Variants in CAMTA2 observed in about 807,000 individuals in gnomAD.
The protein encoded by CAMTA2 is calmodulin binding transcription activator 2, also known as calmodulin-binding transcription activator 2.
A neutral mutation model predicts 135.7 loss-of-function variants in CAMTA2; 56 were observed. That is an observed-to-expected ratio of 0.41 (90% confidence interval 0.33 to 0.52). The LOEUF (loss-of-function observed/expected upper bound fraction) is 0.52, where lower values mean the gene tolerates loss of function less well. Ranked by LOEUF, CAMTA2 falls within the 20% of genes least tolerant of loss-of-function variation. The pLI, the probability that CAMTA2 is intolerant of heterozygous loss-of-function variation, is 0.16. For synonymous variants in CAMTA2, 591 were observed against 604.6 expected (o/e 0.98, Z 0.33); for missense variants, 1,358 against 1,553.4 (o/e 0.87, Z 2.11).
chr17:4,987,127 C>CA (rs1679401111), intron 1 of CAMTA2: 1 of 1,361,166 alleles, frequency 7.3e-7, no homozygotes, highest in Non-Finnish European at 9.4e-7. Flanking sequence ...GACTCCGCCC[C>CA]AGGGCGCAGG....
intron 12 of CAMTA2, 107 bp from the exon 13 acceptor site, chr17:4,973,876 C>T (rs1273290667): frequency 4.6e-6 from 4 of 872,904 alleles, no homozygotes; most frequent in Non-Finnish European, 6.9e-6. Context: ...TTTGCCCCCT[C>T]CCCACATGTC....
intron 1 of CAMTA2, 178 bp from the exon 2 acceptor site, chr17:4,986,464 C>A: frequency 1.7e-6 from 1 of 576,080 alleles, no homozygotes; most frequent in Non-Finnish European, 3.1e-6. Flanking sequence ...GTGCCCGGAG[C>A]CAATATGAGT....
chr17:4,987,379 G>A, intron 1 of CAMTA2: 1 of 1,361,284 alleles, frequency 7.3e-7, no homozygotes. Flanking sequence ...GGGTGCGGGG[G>A]TCTCCGGGAC....
chr17:4,982,724 C>T (rs779983195), intron 5 of CAMTA2, 33 bp downstream of exon 5: 46 of 1,612,262 alleles, frequency 2.9e-5, no homozygotes, highest in Admixed American at 5.0e-5. Flanking sequence ...AGGGCAGGCT[C>T]GGGAAGATGA....
At chr17:4,987,428 G>A (rs1973428647) in intron 1 of CAMTA2, 165 bp downstream of exon 1, 1 of 1,385,030 alleles carries the variant, frequency 7.2e-7, no homozygotes, top group South Asian at 1.6e-5. Context: ...GGGCCCTGCG[G>A]TGAGCGGCGC....
chr17:4,971,011 C>T (rs902162290), intron 16 of CAMTA2, among the ~76,000 whole-genome samples: 1 of 152,200 alleles, frequency 6.6e-6, no homozygotes, highest in Non-Finnish European at 1.5e-5. Flanking sequence ...TCCTGCTGGA[C>T]ACACTCAACA....
chr17:4,987,088 A>T (rs1022292520), intron 1 of CAMTA2: 1 of 1,383,848 alleles, frequency 7.2e-7, no homozygotes, highest in Non-Finnish European at 9.3e-7. Context: ...GGGCTCGGCT[A>T]TGTGCAGTGA....
In CAMTA2 at chr17:4,980,386, G is replaced by C; in HGVS notation, c.936C>G (p.Pro312=). The C allele has an allele frequency of 1.2e-6, 2 of 1,614,102 alleles. No individual in the cohort carries two copies. The highest frequency in any genetic ancestry group is 8.5e-7 in the Non-Finnish European group (1 of 1,179,988). The stretch of plus-strand genomic sequence containing the variant: ...CTCTTGAAGAACCCCCTCGAGAAGT[G>C]GGAGGGCTAGGTCTGATTTCTAGGG... ...AEPLEIRPSP[P]TSRGGSSRGG... Residue 312 remains proline, a synonymous_variant, in exon 9 of 23, where the codon CCC becomes CCG. Coordinates refer to ENST00000348066, the MANE Select transcript of CAMTA2 (RefSeq NM_015099.4). This position sits in a 1 kb window ranked among gnomAD's most constrained non-coding sequence, Gnocchi z 5.3.
At chr17:4,971,154 C>A (rs1046185796) in intron 16 of CAMTA2, among the ~76,000 whole-genome samples, 1 of 152,224 alleles carries the variant, frequency 6.6e-6, no homozygotes, top group South Asian at 2.1e-4. Flanking sequence ...GATTCACTTT[C>A]ATTCCACAAG....
intron 13 of CAMTA2, 91 bp downstream of exon 13, chr17:4,973,494 G>T: frequency 1.5e-6 from 2 of 1,337,164 alleles, no homozygotes; most frequent in Non-Finnish European, 2.1e-6. Flanking sequence ...ACTCCCTCTT[G>T]GTAGGGCCCC....
intron 9 of CAMTA2, 78 bp from the exon 10 acceptor site, chr17:4,978,708 C>T: frequency 6.6e-7 from 1 of 1,518,622 alleles, no homozygotes; most frequent in Non-Finnish European, 9.0e-7. Context: ...CAGACCCTTA[C>T]AGGGTATCTA....
intron 12 of CAMTA2, 120 bp downstream of exon 12, chr17:4,974,265 A>G: frequency 1.5e-6 from 1 of 679,844 alleles, no homozygotes; most frequent in Non-Finnish European, 2.6e-6. Context: ...GGGAGAGGGA[A>G]GACAGGCTGA....
chr17:4,982,383 G>A (rs1010171176), intron 5 of CAMTA2, among the ~76,000 whole-genome samples: 1 of 151,992 alleles, frequency 6.6e-6, no homozygotes, highest in African/African-American at 2.4e-5. Context: ...TTTGAGATAC[G>A]GGACTATCTA....
chr17:4,972,892 A>G lies in CAMTA2; in HGVS notation c.2380T>C (p.Leu794=), dbSNP rs555732392. The G allele has an allele frequency of 1.9e-6, 3 of 1,613,922 alleles. No individual in the cohort carries two copies. Among genetic ancestry groups the G allele is most frequent in the Admixed American group, 1.7e-5 (1 of 60,028 alleles). ...SIPDSLGRLP[L]SVAHSRGHVR... is the part of the protein sequence containing the mutation. The stretch of plus-strand genomic sequence containing the variant: ...TGACCCCGGGAATGAGCCACAGACA[A>G]TGGCAGACGGCCCAGAGAGTCGGGA... Residue 794 remains leucine (L), a synonymous_variant, in exon 15 of 23, where the codon TTG becomes CTG. Coordinates refer to ENST00000348066, the MANE Select transcript of CAMTA2 (RefSeq NM_015099.4).
chr17:4,982,281 C>G, intron 5 of CAMTA2, 121 bp from the exon 6 acceptor site: 1 of 730,132 alleles, frequency 1.4e-6, no homozygotes, highest in South Asian at 1.6e-5. Flanking sequence ...TTCCCCCACC[C>G]TCGCCCCCAC....
Position 4,980,305 on chromosome 17 carries a change from C to G in CAMTA2, c.1017G>C (p.Thr339=), listed in dbSNP as rs780165661. The change falls in exon 9 of 23, where the codon ACG becomes ACC. Residue 339 remains threonine (T), a synonymous_variant. Transcript: ENST00000348066. This position sits in a 1 kb window ranked among gnomAD's most constrained non-coding sequence, Gnocchi z 5.3. The stretch of plus-strand genomic sequence containing the variant: ...CCTGTGGAGCCAAGTGCCTGGTGGG[C>G]GTCAAGCCTCCAGCCCGCTGCTCCA... The part of the protein sequence containing the change: ...TGLEQRAGGL[T]PTRHLAPQAD... The G allele has an allele frequency of 1.2e-6, 2 of 1,611,898 alleles. No homozygotes were observed. Among genetic ancestry groups the G allele is most frequent in the South Asian group, 2.2e-5 (2 of 90,788 alleles).
At chr17:4,975,798 T>A (rs776508982) in intron 11 of CAMTA2, among the ~76,000 whole-genome samples, 9 of 151,906 alleles carry the variant, frequency 5.9e-5, no homozygotes, top group Non-Finnish European at 1.2e-4. Flanking sequence ...AGAGAAAAGC[T>A]AACCTTGAGA....
intron 11 of CAMTA2, among the ~76,000 whole-genome samples, chr17:4,976,270 T>C (rs1004021328): frequency 2.0e-5 from 3 of 151,994 alleles, no homozygotes; most frequent in African/African-American, 7.2e-5. Flanking sequence ...CCTCCCAAAG[T>C]GCTGGGATTA....
chr17:4,981,853 C>T (rs1972980102), intron 6 of CAMTA2, 22 bp from the exon 7 acceptor site: 1 of 1,578,618 alleles, frequency 6.3e-7, no homozygotes. Context: ...AGGGGACACA[C>T]AGAGCCATGG....
Sources: allele counts gnomAD v4.1 joint callset (sites outside exome capture counted in the v4.1 genomes callset), GRCh38; gene constraint gnomAD v4.1.1; non-coding constraint Gnocchi (gnomAD v3.1); transcripts MANE v1.5; gene names NCBI Gene and HGNC (gene_info 2026-07-23, HGNC 2026-07-21).